The following HS3ST5 variants were observed in gnomAD, a reference collection of about 807,000 sequenced individuals.
HS3ST5 encodes heparan sulfate glucosamine 3-O-sulfotransferase 5.
A neutral mutation model predicts 25.4 loss-of-function variants in HS3ST5; 10 were observed. The ratio of observed to expected loss-of-function variants is 0.39; its 90% CI spans 0.24 to 0.67. The LOEUF (loss-of-function observed/expected upper bound fraction) is 0.67. HS3ST5 is among the 30% of genes least tolerant of loss of function. The probability of loss-of-function intolerance (pLI) is 0.44; values close to 1 mark genes in which losing one functional copy is unlikely to be tolerated. For synonymous variants in HS3ST5, 170 were observed against 162.4 expected (o/e 1.05, Z -0.36); for missense variants, 324 against 420.7 (o/e 0.77, Z 2.01).
intron 3 of HS3ST5, among the ~76,000 whole-genome samples, chr6:114,141,851 TGATA>T (rs1395978495): frequency 2.3e-5 from 3 of 128,720 alleles, no homozygotes; most frequent in African/African-American, 8.8e-5. Flanking sequence ...CTATCTAAGA[TGATA>T]GTTTGTGTGT....
At chr6:114,116,346 A>G (rs1247795795) in intron 3 of HS3ST5, among the ~76,000 whole-genome samples, 1 of 152,132 alleles carries the variant, frequency 6.6e-6, no homozygotes, top group Non-Finnish European at 1.5e-5. Context: ...GTGGGATGGG[A>G]GAAAGAAATG....
intron 3 of HS3ST5, among the ~76,000 whole-genome samples, chr6:114,103,944 G>A (rs1025696051): frequency 3.4e-5 from 5 of 147,318 alleles, no homozygotes; most frequent in African/African-American, 7.5e-5. Flanking sequence ...CTCGTGATCC[G>A]CCCATCTCGG....
At chr6:114,067,367 T>G (rs562471043) in intron 3 of HS3ST5, among the ~76,000 whole-genome samples, 1 of 152,202 alleles carries the variant, frequency 6.6e-6, no homozygotes, top group Non-Finnish European at 1.5e-5. Context: ...TGTTTAAGTT[T>G]AGCAGACAGG....
chr6:114,154,066 C>A (rs1283642506), intron 3 of HS3ST5, among the ~76,000 whole-genome samples: 1 of 152,046 alleles, frequency 6.6e-6, no homozygotes, highest in Non-Finnish European at 1.5e-5. Flanking sequence ...TGGGCAGAAG[C>A]AAAGGCAAAT....
At chr6:114,192,524 T>C (rs1780551883) in intron 2 of HS3ST5, among the ~76,000 whole-genome samples, 1 of 152,188 alleles carries the variant, frequency 6.6e-6, no homozygotes, top group Non-Finnish European at 1.5e-5. Context: ...CCCAGGTTTT[T>C]TTGAAGGAAT....
At chr6:114,289,681 A>G (rs1774488225) in intron 1 of HS3ST5, among the ~76,000 whole-genome samples, 1 of 152,140 alleles carries the variant, frequency 6.6e-6, no homozygotes, top group Non-Finnish European at 1.5e-5. Context: ...TCTCCTCAGG[A>G]AGACTGTAAA....
chr6:114,172,122 C>G (rs988709219), intron 2 of HS3ST5, among the ~76,000 whole-genome samples: 1 of 152,160 alleles, frequency 6.6e-6, no homozygotes, highest in Admixed American at 6.6e-5. Flanking sequence ...TGTGAGCAGG[C>G]TATAAAGCTG....
chr6:114,231,117 G>A (rs1290486570), intron 1 of HS3ST5, among the ~76,000 whole-genome samples: 1 of 152,080 alleles, frequency 6.6e-6, no homozygotes. Flanking sequence ...CCTTGGTACT[G>A]TTCTTGTGAT....
At position 114,057,406 on chromosome 6, in the gene HS3ST5, T is replaced by G. The variant is rs1310497818; in HGVS notation, c.892A>C (p.Asn298His). ...GCCAGGCACTTATTAAAGATAATAT[T>G]AAACCGCAAGCAGTAAAACCCTCTG... ...ATRGFYCLRF[N>H]IIFNKCLAGS... Residue 298 changes from asparagine (N) to histidine (H), a missense_variant, in exon 5 of 5, where the codon AAT (asparagine) becomes CAT (histidine). By Grantham distance (68) the Asn-to-His change is moderately conservative. Around this residue, in one of 2 missense-constraint regions of HS3ST5, gnomAD observed 203 missense variants for 303.4 expected, o/e 0.67. Transcript: ENST00000312719. 1 of 1,614,158 alleles carries G rather than the reference T, an allele frequency of 6.2e-7. No homozygotes were observed. Among genetic ancestry groups the G allele is most frequent in the East Asian group, 2.2e-5 (1 of 44,880 alleles).
chr6:114,318,593 T>C (rs1268417195), intron 1 of HS3ST5, among the ~76,000 whole-genome samples: 1 of 152,196 alleles, frequency 6.6e-6, no homozygotes, highest in Admixed American at 6.6e-5. Context: ...GCTTTTCCTC[T>C]AGCTCTTTAT....
At chr6:114,137,479 G>A (rs1395334844) in intron 3 of HS3ST5, among the ~76,000 whole-genome samples, 1 of 152,146 alleles carries the variant, frequency 6.6e-6, no homozygotes, top group East Asian at 1.9e-4. Flanking sequence ...TGTTGCTCCT[G>A]AAATATCTGC....
chr6:114,244,726 G>GA (rs989843441), intron 1 of HS3ST5, among the ~76,000 whole-genome samples: 1 of 151,978 alleles, frequency 6.6e-6, no homozygotes, highest in Non-Finnish European at 1.5e-5. Flanking sequence ...ACCAAAAAAA[G>GA]AAAAAAATCT....
chr6:114,073,820 C>G (rs1773970399), intron 3 of HS3ST5, among the ~76,000 whole-genome samples: 1 of 152,162 alleles, frequency 6.6e-6, no homozygotes, highest in African/African-American at 2.4e-5. Context: ...GATTATAAAT[C>G]ATGCTACTAT....
intron 1 of HS3ST5, among the ~76,000 whole-genome samples, chr6:114,316,360 C>T (rs1471781405): frequency 6.6e-6 from 1 of 152,132 alleles, no homozygotes; most frequent in East Asian, 1.9e-4. Context: ...GAAGCTGTCC[C>T]GATCTAAGGA....
At chr6:114,147,647 C>G (rs1420811980) in intron 3 of HS3ST5, among the ~76,000 whole-genome samples, 15 of 152,280 alleles carry the variant, frequency 9.9e-5, no homozygotes, top group Non-Finnish European at 1.8e-4. Context: ...GTGGCACAAT[C>G]TCAGCTCACT....
At chr6:114,091,813 A>G (rs1414525732) in intron 3 of HS3ST5, among the ~76,000 whole-genome samples, 1 of 152,152 alleles carries the variant, frequency 6.6e-6, no homozygotes. Context: ...TCTTCCTATG[A>G]TGATTTTTTT....
intron 3 of HS3ST5, among the ~76,000 whole-genome samples, chr6:114,162,718 G>A (rs2114986890): frequency 6.6e-6 from 1 of 152,168 alleles, no homozygotes; most frequent in Non-Finnish European, 1.5e-5. Context: ...TCTGCTTCCT[G>A]GCCACTTGCA....
At chr6:114,174,944 G>A (rs369012602) in intron 2 of HS3ST5, among the ~76,000 whole-genome samples, 141 of 152,234 alleles carry the variant, frequency 9.3e-4, no homozygotes, top group African/African-American at 3.3e-3. Context: ...AGTGATCCAA[G>A]ATCATGCCAC....
At chr6:114,193,199 T>C (rs1780585590) in intron 2 of HS3ST5, among the ~76,000 whole-genome samples, 1 of 152,208 alleles carries the variant, frequency 6.6e-6, no homozygotes, top group Non-Finnish European at 1.5e-5. Context: ...ACCTGCTTCA[T>C]AAGCAGCACT....
Sources: gnomAD v4.1 joint callset for allele counts (sites outside exome capture counted in the v4.1 genomes callset) on GRCh38, gnomAD v4.1.1 for gene constraint, gnomAD v4.1.1 regional missense constraint, MANE v1.5 for transcripts, NCBI Gene and HGNC (gene_info 2026-07-23, HGNC 2026-07-21) for gene names.